Variants in LIPE observed in about 807,000 individuals in gnomAD.
LIPE encodes the protein lipase E, hormone sensitive type.
A neutral mutation model predicts 88.5 loss-of-function variants in LIPE; 66 were observed. The observed-to-expected ratio is 0.75, with a 90% CI of 0.61 to 0.91. The LOEUF (loss-of-function observed/expected upper bound fraction) is 0.91. Ranked by LOEUF, LIPE falls within the 40% of genes least tolerant of loss-of-function variation. The probability of loss-of-function intolerance (pLI) is 0.00; values close to 1 mark genes in which losing one functional copy is unlikely to be tolerated. For synonymous variants in LIPE, 570 were observed against 617.5 expected (o/e 0.92, Z 1.14); for missense variants, 1,346 against 1,434.7 (o/e 0.94, Z 1.00).
chr19:42,405,732 G>A (rs2040149357), intron 7 of LIPE, 171 bp from the exon 8 acceptor site: 1 of 645,480 alleles, frequency 1.5e-6, no homozygotes, highest in Non-Finnish European at 2.6e-6. Context: ...TACTTTGGGA[G>A]GCCAAGGCGA....
chr19:42,421,201 C>T (rs1006226556), intron 1 of LIPE, among the ~76,000 whole-genome samples: 1 of 152,166 alleles, frequency 6.6e-6, no homozygotes, highest in Non-Finnish European at 1.5e-5. Flanking sequence ...ACCCAGCTAC[C>T]ATCCTCCTCT....
At position 42,410,511 on chromosome 19, in the gene LIPE, G is replaced by A. The variant is rs1227717716; in HGVS notation, c.1215C>T (p.Thr405=). ...ASNRRSIFFR[T]SHNLAELEAY... Reference sequence around the variant, plus strand: ...CCTCCAGCTCGGCCAGGTTGTGGCTGGTGCGGAAGAAGATGCTGCGGCGGT... The same window carrying A: ...CCTCCAGCTCGGCCAGGTTGTGGCTAGTGCGGAAGAAGATGCTGCGGCGGT... Residue 405 remains threonine (T), a synonymous_variant, in exon 2 of 10, where the codon ACC becomes ACT. Coordinates refer to ENST00000244289, the MANE Select transcript of LIPE (RefSeq NM_005357.4). This position sits in a 1 kb window ranked among gnomAD's most constrained non-coding sequence, Gnocchi z 6.1. The A allele has an allele frequency of 6.8e-6, 11 of 1,613,498 alleles. No individual in the cohort carries two copies. The highest frequency in any genetic ancestry group is 9.3e-6 in the Non-Finnish European group (11 of 1,180,012).
intron 1 of LIPE, chr19:42,412,185 G>T: frequency 2.8e-6 from 2 of 726,428 alleles, no homozygotes; most frequent in Non-Finnish European, 3.4e-6. Flanking sequence ...TTTCTTGGAT[G>T]CCCTGTCACC....
chr19:42,404,922 G>A (rs1245993338), intron 8 of LIPE, among the ~76,000 whole-genome samples: 1 of 152,068 alleles, frequency 6.6e-6, no homozygotes, highest in East Asian at 1.9e-4. Flanking sequence ...CCAGGCTGGA[G>A]TACAGAGGCT....
At position 42,427,166 on chromosome 19, in the gene LIPE, G is replaced by A. The variant is rs376803035; in HGVS notation, c.-17C>T. 8.5e-5 allele frequency: 133 copies of A among 1,571,252 alleles called. No homozygotes were observed. The highest frequency in any genetic ancestry group is 1.0e-4 in the Non-Finnish European group (117 of 1,163,172). ...TGGCTCCATTGTTATTTCCCTCACG[G>A]GAGATATTGATCTTCCAGGTTCTAT... On this transcript the variant is annotated 5_prime_UTR_variant, in exon 1 of 10. Coordinates refer to ENST00000244289, the MANE Select transcript of LIPE (RefSeq NM_005357.4).
Position 42,424,230 on chromosome 19 carries a change from T to C in LIPE, c.883+2037A>G, listed in dbSNP as rs537705045. ...GTGGGGGATGGTGGTAGGAGAACGC[T>C]CGGCGCCTGCGCACTAGCTTCAGGC... On this transcript the variant is annotated intron_variant, in intron 1 of 9. Coordinates refer to ENST00000244289, the MANE Select transcript of LIPE (RefSeq NM_005357.4). 1.2e-5 allele frequency: 9 copies of C among 735,318 alleles called. No individual in the cohort carries two copies. The Admixed American group carries it at 1.9e-4, about 15-fold the overall frequency. 45.5% of individuals were successfully genotyped at this position (735,318 alleles called of 1,614,324 possible).
intron 8 of LIPE, 89 bp downstream of exon 8, chr19:42,405,296 T>C (rs1600108124): frequency 7.3e-7 from 1 of 1,367,396 alleles, no homozygotes. Context: ...TGAACCACCA[T>C]GCCCAGCATC....
At chr19:42,424,800 T>A (rs1248415849) in intron 1 of LIPE, 3 of 357,684 alleles carry the variant, frequency 8.4e-6, no homozygotes, top group Admixed American at 3.7e-5. Context: ...CCCTTCTCCA[T>A]GGCAGGGGTT....
rs758418728 is a variant in LIPE, at chr19:42,407,355, G to A, written c.1956C>T (p.Gly652=). The change falls in exon 6 of 10, where the codon GGC becomes GGT. Residue 652 remains glycine, a synonymous_variant. Coordinates refer to ENST00000244289, the MANE Select transcript of LIPE (RefSeq NM_005357.4). This position sits in a 1 kb window ranked among gnomAD's most constrained non-coding sequence, Gnocchi z 5.8. ...TGGAGGTCTGGGCCACAAAGCCACC[G>A]CCGTGGAAGTGCACTATCAGGGACC... is the stretch of plus-strand genomic sequence containing the variant. The part of the protein sequence containing the change: ...RSRSLIVHFH[G]GGFVAQTSRS... 1.6e-5 allele frequency: 26 copies of A among 1,613,086 alleles called. No homozygotes were observed. Among genetic ancestry groups the A allele is most frequent in the South Asian group, 8.8e-5 (8 of 90,984 alleles).
Position 42,410,796 on chromosome 19 carries a change from C to A in LIPE, c.930G>T (p.Ser310=). 1 of 1,593,362 alleles carries A rather than the reference C, an allele frequency of 6.3e-7. No homozygotes were observed. Among genetic ancestry groups the A allele is most frequent in the Non-Finnish European group, 8.6e-7 (1 of 1,167,752 alleles). The part of the protein sequence containing the change: ...HNMDLRTMTQ[S]LVTLAEDNIA... The stretch of plus-strand genomic sequence containing the variant: ...TGTTGTCCTCCGCCAGAGTCACCAG[C>A]GACTGTGTCATTGTGCGCAGGTCCA... The change falls in exon 2 of 10, where the codon TCG becomes TCT. Residue 310 remains serine (S), a synonymous_variant. Transcript: ENST00000244289. This position sits in a 1 kb window ranked among gnomAD's most constrained non-coding sequence, Gnocchi z 6.1.
At position 42,407,587 on chromosome 19, in the gene LIPE, G is replaced by A. The variant is rs1427841610; in HGVS notation, c.1842+19C>T. ...CTCCTCGGCTCTGTCCCTGTCCCTGGCTGAGGCTGGAACCCTACCTGTCCT... is the reference window on the plus strand; with the variant it reads ...CTCCTCGGCTCTGTCCCTGTCCCTGACTGAGGCTGGAACCCTACCTGTCCT... On this transcript the variant is annotated intron_variant, in intron 5 of 9. Transcript: ENST00000244289. The surrounding 1 kb of genome is among the most constrained non-coding windows in gnomAD (Gnocchi z 5.8). 1 of 1,595,362 alleles carries A rather than the reference G, an allele frequency of 6.3e-7. No homozygotes were observed. Among genetic ancestry groups the A allele is most frequent in the Non-Finnish European group, 8.6e-7 (1 of 1,169,558 alleles).
rs1488431726 is a variant in LIPE, at chr19:42,426,077, C to T, written c.883+190G>A. Among the ~76,000 whole-genome samples, 7 of 144,158 alleles carry T rather than the reference C, an allele frequency of 4.9e-5. No individual in the cohort carries two copies. In the South Asian group the frequency reaches 1.1e-3, roughly 23 times the overall value. The allele number at this position is 144,158 out of a possible 152,430, so 94.6% of individuals were successfully genotyped here. ...TCGGCCTCCCAAAGTGCTGGGATTA[C>T]AGGTGTGAGCCACTGCGCCCAGCCT... On this transcript the variant is annotated intron_variant, in intron 1 of 9. Coordinates refer to ENST00000244289, the MANE Select transcript of LIPE (RefSeq NM_005357.4).
At chr19:42,417,007 G>A (rs963209634) in intron 1 of LIPE, among the ~76,000 whole-genome samples, 1 of 152,150 alleles carries the variant, frequency 6.6e-6, no homozygotes, top group African/African-American at 2.4e-5. Context: ...TGCAAGCTCC[G>A]CCTCCCGGGT....
At chr19:42,404,399 TTTTG>T (rs2040102833) in intron 8 of LIPE, among the ~76,000 whole-genome samples, 1 of 152,058 alleles carries the variant, frequency 6.6e-6, no homozygotes, top group African/African-American at 2.4e-5. Context: ...CCCGGCTAAT[TTTTG>T]TATTTTTAGT....
intron 1 of LIPE, among the ~76,000 whole-genome samples, chr19:42,418,539 C>T (rs79037077): frequency 0.034 from 5,185 of 152,054 alleles, 270 homozygotes; most frequent in African/African-American, 0.12. Flanking sequence ...TGGGGCCAGG[C>T]GTGGTAGCTC....
chr19:42,407,743 T>G lies in LIPE; in HGVS notation c.1705A>C (p.Ser569Arg). The G allele has an allele frequency of 6.4e-7, 1 of 1,562,590 alleles. No homozygotes were observed. Among genetic ancestry groups the G allele is most frequent in the South Asian group, 1.2e-5 (1 of 82,128 alleles). ...SATVRVSRLLSLPPEAFEMPL... is the reference protein window; with the variant it reads ...SATVRVSRLLRLPPEAFEMPL... ...ATCTCAAAGGCTTCGGGTGGCAGGCTGAGCAGGCGGCTTACCCTCACGGTG... is the reference window on the plus strand; with the variant it reads ...ATCTCAAAGGCTTCGGGTGGCAGGCGGAGCAGGCGGCTTACCCTCACGGTG... The change falls in exon 5 of 10, where the codon AGC becomes CGC. Residue 569 changes from serine to arginine, a missense_variant. By Grantham distance (110) the Ser-to-Arg change is moderately radical. Transcript: ENST00000244289. This position sits in a 1 kb window ranked among gnomAD's most constrained non-coding sequence, Gnocchi z 5.8.
Position 42,403,012 on chromosome 19 carries a change from C to A in LIPE, c.2562G>T (p.Val854=). The stretch of plus-strand genomic sequence containing the variant: ...GGGGCTGGGCCAGTGCTGCTTCAGA[C>A]ACACTGCGGCGCATCGGCTCTGAGA... ...EPIAEPMRRS[V]SEAALAQPQG... Residue 854 remains valine (V), a synonymous_variant, in exon 9 of 10, where the codon GTG becomes GTT. Transcript: ENST00000244289. 1 of 1,572,336 alleles carries A rather than the reference C, an allele frequency of 6.4e-7. No homozygotes were observed. The highest frequency in any genetic ancestry group is 8.6e-7 in the Non-Finnish European group (1 of 1,159,958).
intron 9 of LIPE, among the ~76,000 whole-genome samples, 198 bp downstream of exon 9, chr19:42,402,409 C>G (rs947239491): frequency 3.9e-5 from 6 of 152,056 alleles, no homozygotes; most frequent in African/African-American, 1.4e-4. Context: ...CTCAAAATTG[C>G]AAAGTAAAAC....
intron 1 of LIPE, among the ~76,000 whole-genome samples, chr19:42,421,487 C>T (rs1600144577): frequency 6.6e-6 from 1 of 152,192 alleles, no homozygotes; most frequent in Non-Finnish European, 1.5e-5. Flanking sequence ...ATATCTGTGT[C>T]CCCAGCTCAA....
Sources: allele counts gnomAD v4.1 joint callset (sites outside exome capture counted in the v4.1 genomes callset), GRCh38; gene constraint gnomAD v4.1.1; non-coding constraint Gnocchi (gnomAD v3.1); transcripts MANE v1.5; gene names NCBI Gene and HGNC (gene_info 2026-07-23, HGNC 2026-07-21).